Variants in OPCML observed in about 807,000 individuals in gnomAD.
The protein encoded by OPCML is opioid-binding protein/cell adhesion molecule.
OPCML carries 13 observed loss-of-function variants against 37.8 expected under a neutral mutation model. The ratio of observed to expected loss-of-function variants is 0.34; its 90% CI spans 0.22 to 0.55. The LOEUF (loss-of-function observed/expected upper bound fraction) is 0.55. Among genes scored for constraint, OPCML ranks in the 20% least tolerant of loss-of-function variants. OPCML has a pLI of 0.91. For missense variants in OPCML, 341 were observed against 435.6 expected (o/e 0.78, Z 1.93); for synonymous variants, 176 against 168.8 (o/e 1.04, Z -0.33).
chr11:133,523,218 A>G (rs1948428547), intron 1 of OPCML, among the ~76,000 whole-genome samples: 1 of 152,238 alleles, frequency 6.6e-6, no homozygotes, highest in South Asian at 2.1e-4. Flanking sequence ...TTAGACCGCC[A>G]AGAAGTATGG....
intron 2 of OPCML, among the ~76,000 whole-genome samples, chr11:132,918,693 A>C (rs1944688548): frequency 1.3e-5 from 2 of 152,196 alleles, no homozygotes; most frequent in African/African-American, 4.8e-5. Flanking sequence ...TTCCCCAATC[A>C]CCACCAATCT....
chr11:133,113,800 C>T (rs1355239289), intron 1 of OPCML, among the ~76,000 whole-genome samples: 1 of 152,202 alleles, frequency 6.6e-6, no homozygotes, highest in Non-Finnish European at 1.5e-5. Context: ...AATAAGGCTG[C>T]TCACTTTATT....
chr11:132,934,882 G>C (rs889777327), intron 2 of OPCML, among the ~76,000 whole-genome samples: 1 of 152,164 alleles, frequency 6.6e-6, no homozygotes, highest in South Asian at 2.1e-4. Context: ...GCTCACACCT[G>C]TAATCCTAGC....
chr11:133,113,252 T>C (rs923124761), intron 1 of OPCML, among the ~76,000 whole-genome samples: 12 of 147,784 alleles, frequency 8.1e-5, no homozygotes, highest in Admixed American at 7.3e-4. Context: ...CAGATATCTG[T>C]TTTTTCCCCA....
chr11:133,349,006 C>T (rs767340892), intron 1 of OPCML, among the ~76,000 whole-genome samples: 6 of 152,230 alleles, frequency 3.9e-5, no homozygotes, highest in Middle Eastern at 3.4e-3. Flanking sequence ...GCGGGGGCTT[C>T]GTCATGGGAC....
intron 2 of OPCML, among the ~76,000 whole-genome samples, chr11:132,876,444 CA>C (rs1409647455): frequency 3.9e-5 from 6 of 152,166 alleles, no homozygotes; most frequent in Non-Finnish European, 8.8e-5. Context: ...TTTCACCTTG[CA>C]AATAAATAGC....
chr11:132,605,298 C>G (rs1393165515), intron 3 of OPCML, among the ~76,000 whole-genome samples: 1 of 152,040 alleles, frequency 6.6e-6, no homozygotes, highest in Non-Finnish European at 1.5e-5. Flanking sequence ...TGGCTCACGC[C>G]TGTAATCCTA....
chr11:133,489,854 T>TATATA (rs1565663452), intron 1 of OPCML, among the ~76,000 whole-genome samples: 254 of 100,814 alleles, frequency 2.5e-3, no homozygotes, highest in African/African-American at 9.3e-3. Context: ...ATATATATAT[T>TATATA]TTTTTATACA....
intron 3 of OPCML, among the ~76,000 whole-genome samples, chr11:132,648,820 T>TGTCAGAATACA (rs1941285553): frequency 6.6e-6 from 1 of 152,192 alleles, no homozygotes; most frequent in African/African-American, 2.4e-5. Flanking sequence ...CCGTGATTTG[T>TGTCAGAATACA]TCTGACAATG....
chr11:133,375,216 C>G (rs529655702), intron 1 of OPCML, among the ~76,000 whole-genome samples: 7 of 152,324 alleles, frequency 4.6e-5, no homozygotes, highest in African/African-American at 1.7e-4. Flanking sequence ...TCACAACACA[C>G]AACACTTAGC....
intron 2 of OPCML, among the ~76,000 whole-genome samples, chr11:132,752,779 T>G (rs1945880557): frequency 6.6e-6 from 1 of 152,068 alleles, no homozygotes; most frequent in African/African-American, 2.4e-5. Context: ...TGGGAGAAGA[T>G]AGATTGAAGG....
chr11:133,426,417 C>T (rs182327776), intron 1 of OPCML, among the ~76,000 whole-genome samples: 2 of 152,224 alleles, frequency 1.3e-5, no homozygotes, highest in East Asian at 1.9e-4. Context: ...TCCCCAAAAG[C>T]AGACACAGAG....
At chr11:132,426,575 G>T (rs1484451208) in intron 7 of OPCML, among the ~76,000 whole-genome samples, 1 of 152,074 alleles carries the variant, frequency 6.6e-6, no homozygotes, top group East Asian at 1.9e-4. Flanking sequence ...AGGGATTATG[G>T]GCATGCACCA....
chr11:133,101,774 T>G (rs529480729), intron 1 of OPCML, among the ~76,000 whole-genome samples: 1 of 152,336 alleles, frequency 6.6e-6, no homozygotes, highest in South Asian at 2.1e-4. Flanking sequence ...CATGGTTGTT[T>G]ATGGAAACTT....
intron 2 of OPCML, among the ~76,000 whole-genome samples, chr11:132,737,680 CT>C (rs1258850110): frequency 1.3e-5 from 2 of 152,126 alleles, no homozygotes; most frequent in Admixed American, 1.3e-4. Context: ...CTTCCTTCTA[CT>C]TTTGAACAAT....
In OPCML at chr11:132,675,170, T is replaced by G. The variant is rs557249408; in HGVS notation, c.147-17851A>C. 3.9e-3 allele frequency among the ~76,000 whole-genome samples: 401 copies of G among 103,968 alleles called. 2 individuals carry two copies. The highest frequency in any genetic ancestry group is 0.014 in the African/African-American group (381 of 27,144). 68.2% of individuals were successfully genotyped at this position (103,968 alleles called of 152,430 possible). On this transcript the variant is annotated intron_variant, in intron 2 of 7. Transcript: ENST00000524381. The stretch of plus-strand genomic sequence containing the variant: ...ATATATATGTATGTGTGTGTGTGTG[T>G]GTGTGTGTGTGTATATATATATATA...
At chr11:132,864,179 C>A (rs1017973234) in intron 2 of OPCML, among the ~76,000 whole-genome samples, 1 of 152,000 alleles carries the variant, frequency 6.6e-6, no homozygotes, top group East Asian at 1.9e-4. Context: ...CTCGGGTGAT[C>A]CACCCTCCTC....
At chr11:133,103,729 A>T (rs1949118556) in intron 1 of OPCML, among the ~76,000 whole-genome samples, 1 of 152,238 alleles carries the variant, frequency 6.6e-6, no homozygotes, top group Non-Finnish European at 1.5e-5. Context: ...AGGCCTTCCT[A>T]GCAGCCAGAG....
rs1337334063 is a variant in OPCML, at chr11:132,507,682, G to C, written c.505+21379C>G. ...GAGACAATTTTTCTCTAACATTTAA[G>C]GAATATAATTTTTAATTATATTTTA... On this transcript the variant is annotated intron_variant, in intron 4 of 7. Coordinates refer to ENST00000524381, the MANE Select transcript of OPCML (RefSeq NM_001012393.5). Among the ~76,000 whole-genome samples the C allele has an allele frequency of 2.1e-5, 3 of 144,672 alleles. No individual in the cohort carries two copies. In the East Asian group the frequency reaches 6.0e-4, roughly 29 times the overall value. 94.9% of individuals were successfully genotyped at this position (144,672 alleles called of 152,430 possible).
Sources: allele counts gnomAD v4.1 joint callset (sites outside exome capture counted in the v4.1 genomes callset), GRCh38; gene constraint gnomAD v4.1.1; transcripts MANE v1.5; gene names NCBI Gene and HGNC (gene_info 2026-07-23, HGNC 2026-07-21).